The following KCTD1 variants were observed in gnomAD, a reference collection of about 807,000 sequenced individuals.
KCTD1 encodes BTB/POZ domain-containing protein KCTD1.
KCTD1 carries 24 observed loss-of-function variants against 66.0 expected under a neutral mutation model. The observed-to-expected ratio is 0.36, with a 90% CI of 0.26 to 0.51. The LOEUF is 0.51. KCTD1 is among the 20% of genes least tolerant of loss of function. KCTD1 has a pLI of 0.95. For synonymous variants in KCTD1, 511 were observed against 517.2 expected (o/e 0.99, Z 0.16); for missense variants, 943 against 1,205.2 (o/e 0.78, Z 3.22).
At chr18:26,471,825 A>G (rs1981079161) in intron 3 of KCTD1, among the ~76,000 whole-genome samples, 3 of 152,234 alleles carry the variant, frequency 2.0e-5, no homozygotes, top group Non-Finnish European at 2.9e-5. Context: ...TTCAATGCAG[A>G]GAACAAGTCA....
At chr18:26,598,497 C>CACACACACAA (rs1555645999) in intron 1 of KCTD1, among the ~76,000 whole-genome samples, 1 of 151,408 alleles carries the variant, frequency 6.6e-6, no homozygotes, top group Non-Finnish European at 1.5e-5. Context: ...CACACACACA[C>CACACACACAA]GTTTTTGATT....
chr18:26,536,304 A>C (rs1984706677), intron 1 of KCTD1, among the ~76,000 whole-genome samples: 1 of 152,242 alleles, frequency 6.6e-6, no homozygotes, highest in African/African-American at 2.4e-5. Flanking sequence ...ATGTGGCTTC[A>C]CAACAGGGTG....
intron 1 of KCTD1, among the ~76,000 whole-genome samples, chr18:26,580,921 T>C (rs1360627120): frequency 1.3e-5 from 2 of 152,198 alleles, no homozygotes; most frequent in African/African-American, 2.4e-5. Context: ...TTGGCTGCGT[T>C]TGTGCTGAAA....
chr18:26,636,211 G>A (rs1249992757), intron 1 of KCTD1, among the ~76,000 whole-genome samples: 1 of 152,156 alleles, frequency 6.6e-6, no homozygotes, highest in Non-Finnish European at 1.5e-5. Flanking sequence ...GAAGAGGGGG[G>A]AGTTTATGTT....
chr18:26,600,387 G>A lies in KCTD1; in HGVS notation c.-16+28760C>T. On this transcript the variant is annotated intron_variant, in intron 1 of 4. Transcript: ENST00000317932. The stretch of plus-strand genomic sequence containing the variant: ...CCATCTGCTCCTCCAGCCAACTCCT[G>A]TCCCTCAAATCCCACCACGGTGTCT... 25 of 999,628 alleles carry A rather than the reference G, an allele frequency of 2.5e-5. 1 individual carries two copies. In the South Asian group the frequency reaches 3.3e-4, roughly 13 times the overall value. The allele number at this position is 999,628 out of a possible 1,614,324, so 61.9% of individuals were successfully genotyped here.
chr18:26,498,522 T>G (rs1165649085), intron 2 of KCTD1, among the ~76,000 whole-genome samples: 1 of 151,352 alleles, frequency 6.6e-6, no homozygotes, highest in Non-Finnish European at 1.5e-5. Flanking sequence ...ATTTTAATAA[T>G]GTTTTATTTA....
chr18:26,591,834 C>T (rs889705843), intron 1 of KCTD1, among the ~76,000 whole-genome samples: 1 of 152,098 alleles, frequency 6.6e-6, no homozygotes, highest in Non-Finnish European at 1.5e-5. Context: ...TCAAACAAAC[C>T]AGCCATGATT....
intron 2 of KCTD1, among the ~76,000 whole-genome samples, chr18:26,500,368 C>G (rs1372345385): frequency 6.6e-6 from 1 of 151,942 alleles, no homozygotes; most frequent in Admixed American, 6.6e-5. Context: ...TGCAATGAGC[C>G]ATGTTTGCAC....
chr18:26,549,238 A>C (rs1985441661), upstream of KCTD1: 5 of 985,928 alleles, frequency 5.1e-6, no homozygotes, highest in Non-Finnish European at 6.0e-6. Flanking sequence ...CGGCTCCCCC[A>C]CCTACTTGCT....
intron 1 of KCTD1, chr18:26,600,108 T>C: frequency 6.2e-7 from 1 of 1,610,628 alleles, no homozygotes; most frequent in East Asian, 2.2e-5. Context: ...TGCAGGCTGC[T>C]TCTTGTGGGG....
chr18:26,598,261 A>AC (rs1171504514), intron 1 of KCTD1, among the ~76,000 whole-genome samples: 1 of 152,216 alleles, frequency 6.6e-6, no homozygotes, highest in East Asian at 1.9e-4. Flanking sequence ...AGGTTCATCC[A>AC]TATTGTTCCA....
chr18:26,624,943 C>A (rs1428307637), intron 1 of KCTD1, among the ~76,000 whole-genome samples: 1 of 152,188 alleles, frequency 6.6e-6, no homozygotes, highest in East Asian at 1.9e-4. Flanking sequence ...ATCAGCATGA[C>A]CTGGATATGA....
At chr18:26,572,676 C>T (rs983914375) in intron 1 of KCTD1, among the ~76,000 whole-genome samples, 1 of 152,180 alleles carries the variant, frequency 6.6e-6, no homozygotes, top group African/African-American at 2.4e-5. Context: ...CACCAATAAG[C>T]CACTTGTGCT....
rs115895913 is a variant in KCTD1, at chr18:26,634,645, G to T, written c.-106-5408C>A. On this transcript the variant is annotated intron_variant, in intron 1 of 5. Coordinates refer to the KCTD1 transcript ENST00000579973. ...TTTATAGAGGATTACTTAAGTAAAT[G>T]CTGTCAATCTTGTAGATATTTTAAA... Among the ~76,000 whole-genome samples the T allele has an allele frequency of 4.3e-3, 652 of 152,292 alleles. 7 individuals are homozygous for T. Among genetic ancestry groups the T allele is most frequent in the African/African-American group, 0.015 (614 of 41,550 alleles).
chr18:26,567,188 A>G (rs182150206), intron 1 of KCTD1: 1 of 152,308 alleles, frequency 6.6e-6, no homozygotes, highest in Non-Finnish European at 1.5e-5. Flanking sequence ...ATAGCCAAAC[A>G]CCACCAAGGT....
chr18:26,656,275 G>A (rs922346136), intron 1 of KCTD1, among the ~76,000 whole-genome samples: 1 of 152,086 alleles, frequency 6.6e-6, no homozygotes, highest in African/African-American at 2.4e-5. Context: ...CAAAGCCACA[G>A]CCATTACCTG....
intron 1 of KCTD1, among the ~76,000 whole-genome samples, chr18:26,648,936 A>C (rs1477606115): frequency 6.6e-6 from 1 of 152,190 alleles, no homozygotes; most frequent in African/African-American, 2.4e-5. Context: ...CCCTTGAAAA[A>C]CAGTCTGGCA....
intron 2 of KCTD1, among the ~76,000 whole-genome samples, chr18:26,485,934 C>T (rs990603454): frequency 6.6e-6 from 1 of 150,716 alleles, no homozygotes; most frequent in Non-Finnish European, 1.5e-5. Flanking sequence ...CTAATTTAAT[C>T]CTTTTTTTTT....
intron 1 of KCTD1, among the ~76,000 whole-genome samples, chr18:26,591,096 G>A (rs540719314): frequency 5.3e-5 from 8 of 152,144 alleles, no homozygotes; most frequent in Non-Finnish European, 1.0e-4. Flanking sequence ...GAGTGCAGTG[G>A]TGCAATTATA....
Sources: allele counts gnomAD v4.1 joint callset (sites outside exome capture counted in the v4.1 genomes callset), GRCh38; gene constraint gnomAD v4.1.1; transcripts MANE v1.5; gene names NCBI Gene and HGNC (gene_info 2026-07-23, HGNC 2026-07-21).